APBB1: variants seen among roughly 807,000 people sequenced by gnomAD.
The protein encoded by APBB1 is adaptor protein FE65a2.
A neutral mutation model predicts 78.4 loss-of-function variants in APBB1; 22 were observed. The ratio of observed to expected loss-of-function variants is 0.28; its 90% confidence interval spans 0.20 to 0.40. The LOEUF is 0.40. APBB1 is among the 10% of genes least tolerant of loss of function. APBB1 has a pLI of 1.00. For synonymous variants in APBB1, 369 were observed against 372.7 expected, an observed-to-expected ratio of 0.99 and a Z score of 0.12; for missense variants, 749 against 932.4, an observed-to-expected ratio of 0.80 and a Z score of 2.56.
rs1243215990 is a variant in APBB1 at position 6,407,928 on chromosome 11, C to T, written c.721+2699G>A. Among the ~76,000 whole-genome samples the T allele has an allele frequency of 3.3e-5, 5 of 151,636 alleles. No individual in the cohort carries two copies. The East Asian group carries it at 5.8e-4, about 18-fold the overall frequency. ...CCGAGTAGCTGGGACTACAGGCGCC[C>T]GCCACCGCGCCCGGCTAATTTTTTG... On this transcript the variant is annotated intron_variant, in intron 2 of 14. Coordinates refer to ENST00000609360, the MANE Select transcript of APBB1 (RefSeq NM_001164.5).
At chr11:6,405,391 C>T (rs1266849072) in intron 2 of APBB1, 1 of 987,314 alleles carries the variant, frequency 1.0e-6, no homozygotes, top group African/African-American at 1.7e-5. Context: ...CCTCACCTGC[C>T]AGGGCCCAGC....
At chr11:6,400,935 G>A in intron 12 of APBB1, 54 bp downstream of exon 12, 1 of 1,529,468 alleles carries the variant, frequency 6.5e-7, no homozygotes, top group Non-Finnish European at 9.1e-7. Flanking sequence ...AGAGGGTAGG[G>A]GCAGAGTTTT....
intron 12 of APBB1, among the ~76,000 whole-genome samples, chr11:6,396,757 C>T (rs939043571): frequency 1.3e-5 from 2 of 152,116 alleles, no homozygotes; most frequent in Admixed American, 1.3e-4. Flanking sequence ...AATAAGGAAA[C>T]GGAAGAGATA....
chr11:6,411,495 C>T lies in APBB1; in HGVS notation c.-14-134G>A. The stretch of plus-strand genomic sequence containing the variant: ...CAGGCTAGCACCCATGGCTCTCTAT[C>T]CTATGAGAATGACTGGGTTCAACTT... On this transcript the variant is annotated intron_variant, in intron 1 of 14. Coordinates refer to ENST00000609360, the MANE Select transcript of APBB1 (RefSeq NM_001164.5). The surrounding 1 kb of genome is among the most constrained non-coding windows in gnomAD (Gnocchi z 5.2). The T allele has an allele frequency of 1.3e-6, 1 of 750,454 alleles. No homozygotes were observed. Among genetic ancestry groups the T allele is most frequent in the African/African-American group, 1.8e-5 (1 of 57,028 alleles). The allele number at this position is 750,454 out of a possible 1,614,324, so 46.5% of individuals were successfully genotyped here.
chr11:6,414,479 G>A lies in APBB1; in HGVS notation c.-14-3118C>T, dbSNP rs141728949. 3.8e-3 allele frequency among the ~76,000 whole-genome samples: 577 copies of A among 152,254 alleles called. 5 individuals are homozygous for A. Among genetic ancestry groups the A allele is most frequent in the Middle Eastern group, 0.034 (10 of 294 alleles). ...GCCGTGTGCCGACACAGACTGGGCTGTTGCAGAAGGAAAGGACGGATGAAC... is the reference window on the plus strand; with the variant it reads ...GCCGTGTGCCGACACAGACTGGGCTATTGCAGAAGGAAAGGACGGATGAAC... On this transcript the variant is annotated intron_variant, in intron 1 of 14. Coordinates refer to ENST00000609360, the MANE Select transcript of APBB1 (RefSeq NM_001164.5).
rs923607994 is a variant in APBB1 at position 6,405,108 on chromosome 11, C to T, written c.722-1286G>A. The T allele has an allele frequency of 3.0e-6, 4 of 1,343,412 alleles. No homozygotes were observed. In the African/African-American group the frequency reaches 4.4e-5, roughly 15 times the overall value. 83.2% of individuals were successfully genotyped at this position (1,343,412 alleles called of 1,614,324 possible). On this transcript the variant is annotated intron_variant, in intron 2 of 14. Transcript: ENST00000609360. ...TGGCTCCCCTCCCCCAATCCTGAAT[C>T]TCCATCCCACCCTCCAGTGGTTACC...
At chr11:6,404,692 C>T in intron 2 of APBB1, 2 of 1,536,066 alleles carry the variant, frequency 1.3e-6, no homozygotes, top group South Asian at 1.2e-5. Flanking sequence ...TCTAACTCTT[C>T]TCTCCCTGTC....
chr11:6,416,266 C>T (rs1322852399), intron 1 of APBB1, among the ~76,000 whole-genome samples: 1 of 152,212 alleles, frequency 6.6e-6, no homozygotes, highest in Non-Finnish European at 1.5e-5. Context: ...TCTGCTGGCT[C>T]ATCTTCCTCT....
chr11:6,404,739 C>G (rs1364198975), intron 2 of APBB1: 1 of 1,536,350 alleles, frequency 6.5e-7, no homozygotes, highest in Admixed American at 2.0e-5. Flanking sequence ...TCATGCTGCC[C>G]CTCACCTGCG....
chr11:6,404,130 C>T (rs1848679717), intron 2 of APBB1: 3 of 380,262 alleles, frequency 7.9e-6, no homozygotes, highest in South Asian at 7.1e-5. Context: ...CAATTAACCT[C>T]CTTTCATACA....
Position 6,410,728 on chromosome 11 carries a change from C to G in APBB1, c.620G>C (p.Ser207Thr). Residue 207 changes from serine to threonine, a missense_variant, in exon 2 of 15, where the codon AGC becomes ACC. Ser to Thr is a moderately conservative substitution (Grantham distance 58). Transcript: ENST00000609360. ...ACTGTTCCGCATGCCAAACAGGAGG[C>G]TGGCACTCTTGCTGTGTTCCCGGGG... ...DGPREHSKSA[S>T]LLFGMRNSAA... is the part of the protein sequence containing the mutation. The G allele has an allele frequency of 7.7e-6, 12 of 1,561,772 alleles. No homozygotes were observed. The highest frequency in any genetic ancestry group is 1.0e-5 in the Non-Finnish European group (12 of 1,153,928).
At chr11:6,402,329 G>T (rs555807584) in intron 7 of APBB1, 120 bp from the exon 8 acceptor site, 11 of 1,428,770 alleles carry the variant, frequency 7.7e-6, no homozygotes, top group African/African-American at 1.4e-5. Context: ...GTGTCAGACC[G>T]CCCGCCCTGC....
rs1424448525 is a variant in APBB1 at position 6,396,193 on chromosome 11, G to A, written c.1695C>T (p.Ala565=). ...TGCTGGAGGACAGGACTGACTCGAGGGCCCCATTAATCACATCTACCCCTA... is the reference window on the plus strand; with the variant it reads ...TGCTGGAGGACAGGACTGACTCGAGAGCCCCATTAATCACATCTACCCCTA... ...KPVGVDVING[A]LESVLSSSSR... Residue 565 remains alanine (A), a synonymous_variant, in exon 13 of 15, where the codon GCC becomes GCT. Coordinates refer to ENST00000609360, the MANE Select transcript of APBB1 (RefSeq NM_001164.5). 2.6e-6 allele frequency: 4 copies of A among 1,551,174 alleles called. No individual in the cohort carries two copies. Among genetic ancestry groups the A allele is most frequent in the Non-Finnish European group, 3.5e-6 (4 of 1,146,906 alleles).
At chr11:6,407,557 C>T (rs1004208571) in intron 2 of APBB1, among the ~76,000 whole-genome samples, 2 of 152,174 alleles carry the variant, frequency 1.3e-5, no homozygotes, top group South Asian at 2.1e-4. Flanking sequence ...TTGTTGTTAA[C>T]GTTTAGAAAT....
Position 6,395,500 on chromosome 11 carries a change from A to G in APBB1, c.*34T>C. The G allele has an allele frequency of 6.6e-7, 1 of 1,510,754 alleles. No homozygotes were observed. The highest frequency in any genetic ancestry group is 8.8e-7 in the Non-Finnish European group (1 of 1,130,250). 93.6% of individuals were successfully genotyped at this position (1,510,754 alleles called of 1,614,324 possible). ...CACACCCTTTAGTTCCCTGGGGCCC[A>G]ACACAAGCAGGTGGAGGGAAGGTGG... On this transcript the variant is annotated 3_prime_UTR_variant, in exon 15 of 15. Transcript: ENST00000609360. The surrounding 1 kb of genome is among the most constrained non-coding windows in gnomAD (Gnocchi z 5.2).
At position 6,402,072 on chromosome 11, in the gene APBB1, C is replaced by T. The variant is rs916642443; in HGVS notation, c.1382+10G>A. The T allele has an allele frequency of 6.2e-7, 1 of 1,613,792 alleles. No individual in the cohort carries two copies. Among genetic ancestry groups the T allele is most frequent in the South Asian group, 1.1e-5 (1 of 91,060 alleles). On this transcript the variant is annotated intron_variant, in intron 8 of 14. Transcript: ENST00000609360. ...AACTCCCACCCTCGAATCCCAAGCC[C>T]TATTCCCACCTTCCACTGTCCCGCC... is the stretch of plus-strand genomic sequence containing the variant.
intron 1 of APBB1, among the ~76,000 whole-genome samples, chr11:6,416,130 C>G (rs1280156213): frequency 6.6e-6 from 1 of 152,204 alleles, no homozygotes; most frequent in African/African-American, 2.4e-5. Context: ...GTCCTCCCAG[C>G]AGCATCTGAC....
intron 1 of APBB1, among the ~76,000 whole-genome samples, chr11:6,418,408 A>T (rs1849173559): frequency 6.6e-6 from 1 of 152,210 alleles, no homozygotes; most frequent in Admixed American, 6.5e-5. Context: ...AAGGGCGGAG[A>T]GAGCTGGGAC....
rs193044795 is a variant in APBB1, at chr11:6,396,044, C to A, written c.1788+56G>T. On this transcript the variant is annotated intron_variant, in intron 13 of 14. Coordinates refer to ENST00000609360, the MANE Select transcript of APBB1 (RefSeq NM_001164.5). Reference sequence around the variant, plus strand: ...CCATCTTAGCAGCTCTTCCCCTCACCCCCAGTCTCCCCTCTATGGCAAGGC... The same window carrying A: ...CCATCTTAGCAGCTCTTCCCCTCACACCCAGTCTCCCCTCTATGGCAAGGC... The A allele has an allele frequency of 1.2e-3, 1,985 of 1,598,912 alleles. 1 individual carries two copies. Among genetic ancestry groups the A allele is most frequent in the Non-Finnish European group, 1.6e-3 (1,831 of 1,171,146 alleles).
Sources: allele counts gnomAD v4.1 joint callset (sites outside exome capture counted in the v4.1 genomes callset), GRCh38; gene constraint gnomAD v4.1.1; non-coding constraint Gnocchi (gnomAD v3.1); transcripts MANE v1.5; gene names NCBI Gene and HGNC (gene_info 2026-07-23, HGNC 2026-07-21).